Variants in DNAH14 observed in about 807,000 individuals in gnomAD.
DNAH14 encodes the protein axonemal beta dynein heavy chain 14.
Under a neutral mutation model 520.9 loss-of-function variants are expected in DNAH14, and 478 were observed. The observed-to-expected ratio is 0.92, with a 90% CI of 0.85 to 0.99. DNAH14 has a LOEUF of 0.99. DNAH14 is among the 50% of genes least tolerant of loss of function. DNAH14 has a pLI of 0.00. For missense variants in DNAH14, 4,831 were observed against 5,234.5 expected (o/e 0.92, Z 2.38); for synonymous variants, 1,581 against 1,757.2 (o/e 0.90, Z 2.51).
chr1:224,974,285 T>A lies in DNAH14; in HGVS notation c.830+132T>A, dbSNP rs184878633. 2.0e-3 allele frequency: 970 copies of A among 485,934 alleles called. 3 individuals carry two copies. The highest frequency in any genetic ancestry group is 9.3e-3 in the Middle Eastern group (29 of 3,128). The allele number at this position is 485,934 out of a possible 1,614,324, so 30.1% of individuals were successfully genotyped here. ...ACATTCCATTGCTTTACGATTAAAC[T>A]TAACCCATTTTTATTTTTAAAAGAC... On this transcript the variant is annotated intron_variant, in intron 8 of 85. Transcript: ENST00000682510.
chr1:225,127,073 C>T (rs1423930893), intron 27 of DNAH14, among the ~76,000 whole-genome samples: 17 of 148,810 alleles, frequency 1.1e-4, no homozygotes, highest in Non-Finnish European at 1.8e-4. Flanking sequence ...GTCTGAGAGA[C>T]AGTTTGTTAT....
chr1:225,144,763 ATAAT>A, intron 29 of DNAH14, 135 bp downstream of exon 29: 2 of 700,386 alleles, frequency 2.9e-6, no homozygotes, highest in South Asian at 3.9e-5. Context: ...TAACTCACAT[ATAAT>A]TAATTCATCA....
intron 10 of DNAH14, among the ~76,000 whole-genome samples, chr1:225,020,682 C>T (rs1426624756): frequency 6.6e-6 from 1 of 152,034 alleles, no homozygotes; most frequent in African/African-American, 2.4e-5. Context: ...AGTAATAAAA[C>T]ACCTAAAAAC....
intron 22 of DNAH14, among the ~76,000 whole-genome samples, chr1:225,098,422 G>A (rs1007299615): frequency 6.6e-6 from 1 of 152,156 alleles, no homozygotes; most frequent in African/African-American, 2.4e-5. Context: ...GCTAGTTTAG[G>A]AGCCATTCTG....
intron 23 of DNAH14, among the ~76,000 whole-genome samples, chr1:225,106,691 A>G (rs2076081402): frequency 6.6e-6 from 1 of 152,142 alleles, no homozygotes; most frequent in African/African-American, 2.4e-5. Flanking sequence ...AGGCTTGTGC[A>G]TTCGTCACAT....
intron 41 of DNAH14, among the ~76,000 whole-genome samples, chr1:225,217,871 C>A (rs1254373387): frequency 6.6e-6 from 1 of 152,158 alleles, no homozygotes; most frequent in Non-Finnish European, 1.5e-5. Context: ...ATGCCCCACC[C>A]TGCTCCATGG....
chr1:225,078,411 C>A (rs2072558061), intron 17 of DNAH14, among the ~76,000 whole-genome samples: 2 of 152,254 alleles, frequency 1.3e-5, no homozygotes, highest in South Asian at 4.1e-4. Flanking sequence ...TCATAATTTG[C>A]CATTTGTATT....
rs1166797856 is a variant in DNAH14 at position 225,140,685 on chromosome 1, C to A, written c.4255-83C>A. 30 of 1,089,704 alleles carry A rather than the reference C, an allele frequency of 2.8e-5. No individual in the cohort carries two copies. The East Asian group carries it at 8.0e-4, about 29-fold the overall frequency. 67.5% of individuals were successfully genotyped at this position (1,089,704 alleles called of 1,614,324 possible). The stretch of plus-strand genomic sequence containing the variant: ...CACCACATAAACTTTATGAAAACAT[C>A]CATTTTAATTTGAATAAAATTTATG... On this transcript the variant is annotated intron_variant, in intron 27 of 85. Transcript: ENST00000682510.
intron 41 of DNAH14, among the ~76,000 whole-genome samples, chr1:225,219,590 C>G (rs1307646867): frequency 1.3e-5 from 2 of 152,106 alleles, no homozygotes; most frequent in African/African-American, 4.8e-5. Flanking sequence ...GACATACGCT[C>G]TTCCAAGACT....
At position 225,351,780 on chromosome 1, in the gene DNAH14, A is replaced by C; in HGVS notation, c.11430A>C (p.Gln3810His). 1 of 1,551,292 alleles carries C rather than the reference A, an allele frequency of 6.4e-7. No homozygotes were observed. Among genetic ancestry groups the C allele is most frequent in the Non-Finnish European group, 8.7e-7 (1 of 1,146,692 alleles). ...LCKSLLSNVS[Q>H]WDTFKNSKAV... The stretch of plus-strand genomic sequence containing the variant: ...AATCCCTTTTATCAAACGTATCACA[A>C]TGGGATACTTTTAAGAACAGTAAAG... The change falls in exon 72 of 86, where the codon CAA becomes CAC. Residue 3810 changes from glutamine to histidine, a missense_variant. Physicochemically the swap from Gln to His is conservative, Grantham distance 24. Coordinates refer to ENST00000682510, the MANE Select transcript of DNAH14 (RefSeq NM_001367479.1).
chr1:225,364,791 G>A lies in DNAH14; in HGVS notation c.11988-1G>A, dbSNP rs2095532978. 1.3e-6 allele frequency: 2 copies of A among 1,528,864 alleles called. No individual in the cohort carries two copies. The highest frequency in any genetic ancestry group is 4.9e-5 in the East Asian group (2 of 40,508). The allele number at this position is 1,528,864 out of a possible 1,614,324, so 94.7% of individuals were successfully genotyped here. ...ATATTTATAAATTTTTTATTTTGCA[G>A]TTTTAATAGTCCAAACGTGACAATA... On this transcript the variant is annotated splice_acceptor_variant, in intron 75 of 85. Coordinates refer to ENST00000682510, the MANE Select transcript of DNAH14 (RefSeq NM_001367479.1). LOFTEE classifies it high-confidence loss of function.
At chr1:224,954,934 T>G in intron 2 of DNAH14, 25 bp from the exon 3 acceptor site, 2 of 1,539,760 alleles carry the variant, frequency 1.3e-6, no homozygotes, top group Non-Finnish European at 8.8e-7. Flanking sequence ...TTTATTTTCT[T>G]AGAATTGTTT....
At position 225,042,910 on chromosome 1, in the gene DNAH14, A is replaced by G. The variant is rs1311240587; in HGVS notation, c.1564A>G (p.Arg522Gly). The G allele has an allele frequency of 8.4e-6, 13 of 1,551,596 alleles. No individual in the cohort carries two copies. Among genetic ancestry groups the G allele is most frequent in the Non-Finnish European group, 1.1e-5 (13 of 1,147,000 alleles). Reference protein sequence around the residue: ...APIFEVNLCLRIPAESDSSEN... With the variant: ...APIFEVNLCLGIPAESDSSEN... ...AATATTTGAAGTAAATCTATGCTTGAGAATTCCTGCTGAGAGTGATTCTTC... is the reference window on the plus strand; with the variant it reads ...AATATTTGAAGTAAATCTATGCTTGGGAATTCCTGCTGAGAGTGATTCTTC... Residue 522 changes from arginine (R) to glycine (G), a missense_variant, in exon 13 of 86, where the codon AGA becomes GGA. Transcript: ENST00000682510.
intron 9 of DNAH14, among the ~76,000 whole-genome samples, chr1:225,003,529 T>G (rs187547469): frequency 6.6e-6 from 1 of 152,186 alleles, no homozygotes; most frequent in African/African-American, 2.4e-5. Context: ...ACAAGTTAAA[T>G]ATTTGAAAAT....
intron 11 of DNAH14, chr1:225,024,113 G>A: frequency 9.5e-7 from 1 of 1,055,810 alleles, no homozygotes; most frequent in Non-Finnish European, 1.2e-6. Context: ...TATACTTCAA[G>A]TATTACCTAT....
chr1:225,269,815 A>C (rs2093256715), intron 49 of DNAH14, among the ~76,000 whole-genome samples: 1 of 152,210 alleles, frequency 6.6e-6, no homozygotes, highest in African/African-American at 2.4e-5. Context: ...TTAAAAAGTC[A>C]GGAAACAACA....
At chr1:225,388,538 G>A (rs2095867413) in intron 82 of DNAH14, 47 bp downstream of exon 82, 1 of 1,173,000 alleles carries the variant, frequency 8.5e-7, no homozygotes, top group Admixed American at 2.0e-5. Flanking sequence ...TTTGCTTAAA[G>A]CCCAAAGGTT....
intron 1 of DNAH14, among the ~76,000 whole-genome samples, chr1:224,943,149 G>C (rs1173409903): frequency 6.6e-6 from 1 of 152,132 alleles, no homozygotes; most frequent in East Asian, 1.9e-4. Flanking sequence ...TTTTATGGTT[G>C]GTAAGCTATT....
At chr1:224,934,033 A>G (rs1333920523) in intron 1 of DNAH14, among the ~76,000 whole-genome samples, 1 of 152,036 alleles carries the variant, frequency 6.6e-6, no homozygotes, top group Non-Finnish European at 1.5e-5. Flanking sequence ...TCTTCAGGGA[A>G]AAGTCCTTCC....
Sources: allele counts gnomAD v4.1 joint callset (sites outside exome capture counted in the v4.1 genomes callset), GRCh38; gene constraint gnomAD v4.1.1; transcripts MANE v1.5; gene names NCBI Gene and HGNC (gene_info 2026-07-23, HGNC 2026-07-21).